HVCN1: variants seen among roughly 807,000 people sequenced by gnomAD.
The protein encoded by HVCN1 is hydrogen voltage gated channel 1.
HVCN1 carries 14 observed loss-of-function variants against 29.2 expected under a neutral mutation model. That is an observed-to-expected ratio of 0.48 (90% CI 0.32 to 0.75). The LOEUF is 0.75. Ranked by LOEUF, HVCN1 falls within the 30% of genes least tolerant of loss-of-function variation. The pLI is 0.04. For missense variants in HVCN1, 263 were observed against 341.8 expected, an observed-to-expected ratio of 0.77 and a Z score of 1.82; for synonymous variants, 131 against 133.2, an observed-to-expected ratio of 0.98 and a Z score of 0.11.
At chr12:110,698,188 C>T in intron 2 of HVCN1, among the ~76,000 whole-genome samples, 1 of 152,024 alleles carries the variant, frequency 6.6e-6, no homozygotes, top group East Asian at 1.9e-4. Context: ...TTTGTTGAGT[C>T]AGGGTCTCAC....
chr12:110,679,603 C>T (rs914988734), intron 3 of HVCN1, among the ~76,000 whole-genome samples: 1 of 152,188 alleles, frequency 6.6e-6, no homozygotes, highest in African/African-American at 2.4e-5. Flanking sequence ...CCTGTAATCC[C>T]AGCACTTTGG....
At chr12:110,683,176 C>G (rs957597915) in intron 3 of HVCN1, 49 bp downstream of exon 3, 2 of 1,613,462 alleles carry the variant, frequency 1.2e-6, no homozygotes, top group Non-Finnish European at 1.7e-6. Flanking sequence ...GAATTATCCT[C>G]TCAAGGCTGG....
rs1388840505 is a variant in HVCN1, at chr12:110,649,598, GCATT to G, written c.757-127_757-124del. 5.7e-5 allele frequency: 42 copies of G among 734,708 alleles called. 1 individual carries two copies. In the Middle Eastern group the frequency reaches 4.8e-3, roughly 84 times the overall value. 45.5% of individuals were successfully genotyped at this position (734,708 alleles called of 1,614,324 possible). On this transcript the variant is annotated intron_variant, in intron 7 of 7. Transcript: ENST00000242607. Reference sequence around the variant, plus strand: ...ATGAATGAAAGCTACGCTGTTTGTGGCATTCAGTCTGCTGAGGAGACTGCTACAA... The same window carrying G: ...ATGAATGAAAGCTACGCTGTTTGTGGCAGTCTGCTGAGGAGACTGCTACAA...
intron 5 of HVCN1, among the ~76,000 whole-genome samples, chr12:110,653,020 G>A (rs1016894244): frequency 1.3e-5 from 2 of 152,144 alleles, no homozygotes; most frequent in African/African-American, 4.8e-5. Flanking sequence ...GGACCTAACC[G>A]TGGTGTGCAG....
upstream of HVCN1, among the ~76,000 whole-genome samples, chr12:110,691,769 G>A (rs976601666): frequency 3.9e-5 from 6 of 152,156 alleles, no homozygotes; most frequent in Non-Finnish European, 8.8e-5. Context: ...TGATCCCCTG[G>A]CTACCTTCCC....
At chr12:110,652,015 T>C (rs1281415745) in intron 5 of HVCN1, among the ~76,000 whole-genome samples, 1 of 152,168 alleles carries the variant, frequency 6.6e-6, no homozygotes, top group African/African-American at 2.4e-5. Flanking sequence ...AATAACTGAA[T>C]GAATGAATGA....
chr12:110,660,665 T>C (rs894754312), intron 4 of HVCN1, among the ~76,000 whole-genome samples: 1 of 152,244 alleles, frequency 6.6e-6, no homozygotes, highest in Non-Finnish European at 1.5e-5. Context: ...ATCACCACTA[T>C]AATTCCAGAA....
chr12:110,658,701 TA>T lies in HVCN1; in HGVS notation c.306+2462del, dbSNP rs1485465796. Among the ~76,000 whole-genome samples the T allele has an allele frequency of 6.6e-6, 1 of 152,106 alleles. No individual in the cohort carries two copies. Among genetic ancestry groups the T allele is most frequent in the Non-Finnish European group, 1.5e-5 (1 of 68,010 alleles). On this transcript the variant is annotated intron_variant, in intron 4 of 7. Coordinates refer to ENST00000242607, the MANE Select transcript of HVCN1 (RefSeq NM_032369.4). The surrounding 1 kb of genome is among the most constrained non-coding windows in gnomAD (Gnocchi z 5.0). ...CCTGCGGAGGGCTTCTCTCCATTTG[TA>T]ACCAATGTGTGTCTCAGTGATGGCT...
chr12:110,680,705 C>T (rs759303477), intron 3 of HVCN1, among the ~76,000 whole-genome samples: 116 of 152,012 alleles, frequency 7.6e-4, no homozygotes, highest in Non-Finnish European at 1.6e-3. Context: ...TCACTTGAGG[C>T]CAGGAGTTCG....
At chr12:110,678,043 G>A (rs1296428066) in intron 3 of HVCN1, among the ~76,000 whole-genome samples, 1 of 152,222 alleles carries the variant, frequency 6.6e-6, no homozygotes, top group African/African-American at 2.4e-5. Context: ...TATTTTCTGA[G>A]CTCTGTGCAA....
chr12:110,656,267 T>C (rs527675149), intron 4 of HVCN1, among the ~76,000 whole-genome samples: 2 of 152,252 alleles, frequency 1.3e-5, no homozygotes, highest in African/African-American at 4.8e-5. Context: ...AGTCCTGGTG[T>C]CCTGGAGAAT....
At chr12:110,671,242 G>A (rs1419707200) in intron 3 of HVCN1, among the ~76,000 whole-genome samples, 5 of 152,124 alleles carry the variant, frequency 3.3e-5, no homozygotes, top group Non-Finnish European at 7.3e-5. Context: ...CAGGAGAATC[G>A]CTTGAACTCG....
At chr12:110,651,101 C>A in intron 6 of HVCN1, 116 bp downstream of exon 6, 1 of 710,838 alleles carries the variant, frequency 1.4e-6, no homozygotes, top group Non-Finnish European at 2.4e-6. Flanking sequence ...GAGGGGAGGC[C>A]TCCATAACAG....
intron 3 of HVCN1, among the ~76,000 whole-genome samples, chr12:110,664,478 C>A (rs981763733): frequency 6.6e-6 from 1 of 152,122 alleles, no homozygotes; most frequent in African/African-American, 2.4e-5. Context: ...TAAACATACA[C>A]AAGAATGAGA....
intron 2 of HVCN1, among the ~76,000 whole-genome samples, chr12:110,685,537 G>C (rs2069145088): frequency 6.6e-6 from 1 of 152,192 alleles, no homozygotes; most frequent in East Asian, 1.9e-4. Context: ...AGTGTGTCCT[G>C]TATGAAGTGC....
Position 110,649,285 on chromosome 12 carries a change from C to A in HVCN1, c.*125G>T. On this transcript the variant is annotated 3_prime_UTR_variant, in exon 8 of 8. Transcript: ENST00000242607. ...TGTGTCCACCCAGAATCCATGCTGG[C>A]AGGAGGGAGGCAGAGGTATCAAACC... 1 of 746,888 alleles carries A rather than the reference C, an allele frequency of 1.3e-6. No individual in the cohort carries two copies. Among genetic ancestry groups the A allele is most frequent in the Non-Finnish European group, 2.4e-6 (1 of 421,288 alleles). 46.3% of individuals were successfully genotyped at this position (746,888 alleles called of 1,614,324 possible).
intron 6 of HVCN1, 80 bp from the exon 7 acceptor site, chr12:110,650,360 T>C (rs2067746015): frequency 4.8e-6 from 4 of 840,162 alleles, no homozygotes; most frequent in Non-Finnish European, 8.0e-6. Context: ...CTTACACCTG[T>C]ATAGAGTTTG....
chr12:110,662,352 C>T (rs1470649293), intron 3 of HVCN1, among the ~76,000 whole-genome samples: 2 of 152,180 alleles, frequency 1.3e-5, no homozygotes, highest in East Asian at 1.9e-4. Flanking sequence ...GAACAAAATA[C>T]AGGCCAGTAA....
At chr12:110,682,762 G>A (rs917475165) in intron 3 of HVCN1, 1 of 210,492 alleles carries the variant, frequency 4.8e-6, no homozygotes, top group Admixed American at 5.3e-5. Context: ...TGCACTGTTC[G>A]AGACCAGCCT....
Sources: allele counts gnomAD v4.1 joint callset (sites outside exome capture counted in the v4.1 genomes callset), GRCh38; gene constraint gnomAD v4.1.1; non-coding constraint Gnocchi (gnomAD v3.1); transcripts MANE v1.5; gene names NCBI Gene and HGNC (gene_info 2026-07-23, HGNC 2026-07-21).